GOLM2: variants seen among roughly 807,000 people sequenced by gnomAD.
GOLM2 encodes the protein golgi membrane protein 2, also known as protein GOLM2.
In GOLM2, 26 loss-of-function variants were observed where a neutral mutation model predicts 55.9. The ratio of observed to expected loss-of-function variants is 0.47; its 90% CI spans 0.34 to 0.65. The LOEUF is 0.65. GOLM2 is among the 30% of genes least tolerant of loss of function. The pLI is 0.01. For missense variants in GOLM2, 486 were observed against 531.8 expected (o/e 0.91, Z 0.85); for synonymous variants, 165 against 194.6 (o/e 0.85, Z 1.27).
intron 6 of GOLM2, among the ~76,000 whole-genome samples, chr15:44,374,430 C>T (rs913685282): frequency 1.3e-5 from 2 of 152,004 alleles, no homozygotes; most frequent in Non-Finnish European, 2.9e-5. Context: ...GGGAGGATCA[C>T]TTGAGCTCAA....
At chr15:44,302,201 G>A (rs972990762) in intron 1 of GOLM2, among the ~76,000 whole-genome samples, 4 of 149,956 alleles carry the variant, frequency 2.7e-5, no homozygotes, top group Admixed American at 6.7e-5. Context: ...CTGGAGTGCA[G>A]TGTCACGATC....
chr15:44,326,034 C>G (rs576478989), intron 2 of GOLM2, among the ~76,000 whole-genome samples: 3 of 151,962 alleles, frequency 2.0e-5, no homozygotes, highest in Non-Finnish European at 4.4e-5. Context: ...GAGGCTGAGG[C>G]GGGCAGATCA....
intron 9 of GOLM2, chr15:44,409,626 A>AG (rs2079622859): frequency 9.0e-6 from 1 of 111,428 alleles, no homozygotes; most frequent in Non-Finnish European, 1.8e-5. Context: ...AAAAAAAAAA[A>AG]TGCTGGGCGC....
chr15:44,308,462 T>C (rs541004247), intron 1 of GOLM2: 1 of 152,364 alleles, frequency 6.6e-6, no homozygotes, highest in East Asian at 1.9e-4. Context: ...TTCATTCATC[T>C]GTTGATGAAC....
chr15:44,343,754 G>A (rs1421400285), intron 6 of GOLM2, among the ~76,000 whole-genome samples: 4 of 151,518 alleles, frequency 2.6e-5, no homozygotes, highest in African/African-American at 9.7e-5. Context: ...GAGCCCAGGA[G>A]GCAGAGCTGC....
Position 44,378,032 on chromosome 15 carries a change from A to ATTATTTATTTAT in GOLM2, c.803-1639_803-1628dup, listed in dbSNP as rs534507298. Among the ~76,000 whole-genome samples, 169 of 148,822 alleles carry ATTATTTATTTAT rather than the reference A, an allele frequency of 1.1e-3. 1 individual carries two copies. Among genetic ancestry groups the ATTATTTATTTAT allele is most frequent in the East Asian group, 4.3e-3 (22 of 5,098 alleles). On this transcript the variant is annotated intron_variant, in intron 6 of 9. Coordinates refer to ENST00000299957, the MANE Select transcript of GOLM2 (RefSeq NM_138423.4). Reference sequence around the variant, plus strand: ...AGAAGTATATATATATATTTTTTAAATTATTTATTTATTTATTTATTTATT... The same window carrying ATTATTTATTTAT: ...AGAAGTATATATATATATTTTTTAAATTATTTATTTATTTATTTATTTATTTATTTATTTATT...
At chr15:44,361,075 G>A (rs1428293627) in intron 6 of GOLM2, among the ~76,000 whole-genome samples, 1 of 150,382 alleles carries the variant, frequency 6.6e-6, no homozygotes, top group Non-Finnish European at 1.5e-5. Context: ...GAAATTTATA[G>A]CACTAAATGC....
intron 6 of GOLM2, among the ~76,000 whole-genome samples, chr15:44,344,071 G>A (rs1427215526): frequency 6.6e-6 from 1 of 151,480 alleles, no homozygotes; most frequent in Non-Finnish European, 1.5e-5. Context: ...ACCAGCCTGA[G>A]CAACATGATG....
chr15:44,319,509 C>A (rs985392660), intron 1 of GOLM2, among the ~76,000 whole-genome samples: 19 of 152,172 alleles, frequency 1.2e-4, no homozygotes, highest in African/African-American at 4.3e-4. Context: ...CATGAGCCAC[C>A]ACGCCTGGCC....
rs144203071 is a variant in GOLM2, at chr15:44,332,050, TAGC to T, written c.551_553del (p.Ala184del). 93 of 1,598,394 alleles carry T rather than the reference TAGC, an allele frequency of 5.8e-5. No homozygotes were observed. In the East Asian group the frequency reaches 2.0e-3, roughly 35 times the overall value. Reference sequence around the variant, plus strand: ...CAGCATGAAGAAAATATTAAAAAGTTAGCAGACCAGTTTTTAGAGGAACAAAAG... The same window carrying T: ...CAGCATGAAGAAAATATTAAAAAGTTAGACCAGTTTTTAGAGGAACAAAAG... On this transcript the variant is annotated inframe_deletion, in exon 4 of 10. Transcript: ENST00000299957.
intron 6 of GOLM2, among the ~76,000 whole-genome samples, chr15:44,379,334 G>A (rs190493799): frequency 1.5e-3 from 225 of 152,106 alleles, no homozygotes; most frequent in Non-Finnish European, 2.1e-3. Flanking sequence ...AAACTTACCC[G>A]GGCGTGGTGG....
chr15:44,328,660 T>G, intron 2 of GOLM2, 25 bp from the exon 3 acceptor site: 1 of 1,550,442 alleles, frequency 6.4e-7, no homozygotes, highest in Non-Finnish European at 8.8e-7. Context: ...ACTTGATTCC[T>G]TTGGTTCTTA....
chr15:44,411,819 ACTG>A (rs756496740), intron 9 of GOLM2, among the ~76,000 whole-genome samples: 8 of 144,130 alleles, frequency 5.6e-5, no homozygotes, highest in Non-Finnish European at 7.5e-5. Flanking sequence ...ACAGAATGAG[ACTG>A]CATCTCAAAA....
Position 44,289,165 on chromosome 15 carries a change from G to A in GOLM2, c.136G>A (p.Val46Met). The change falls in exon 1 of 10, where the codon GTG (valine) becomes ATG (methionine). Residue 46 changes from valine (V) to methionine (M), a missense_variant. By Grantham distance (21) the Val-to-Met change is conservative (BLOSUM62 1). Coordinates refer to ENST00000299957, the MANE Select transcript of GOLM2 (RefSeq NM_138423.4). This position sits in a 1 kb window ranked among gnomAD's most constrained non-coding sequence, Gnocchi z 4.8. Reference protein sequence around the residue: ...SSRHVLLQEEVAELQGQVQRT... With the variant: ...SSRHVLLQEEMAELQGQVQRT... ...CCGCCACGTCCTGCTTCAGGAGGAG[G>A]TGGCCGAGCTGCAGGGCCAGGTCCA... 2.5e-6 allele frequency: 4 copies of A among 1,614,198 alleles called. No homozygotes were observed. The highest frequency in any genetic ancestry group is 3.4e-6 in the Non-Finnish European group (4 of 1,180,028).
chr15:44,359,867 G>T (rs980652850), intron 6 of GOLM2, among the ~76,000 whole-genome samples: 1 of 152,162 alleles, frequency 6.6e-6, no homozygotes. Flanking sequence ...GGAGAAACTC[G>T]ATAAGCCAGA....
intron 8 of GOLM2, among the ~76,000 whole-genome samples, chr15:44,393,795 G>T (rs1484870980): frequency 2.6e-5 from 4 of 152,106 alleles, no homozygotes. Context: ...AGGTTCAAAT[G>T]ATTCTCCTCC....
chr15:44,307,183 A>C (rs932201952), intron 1 of GOLM2: 8 of 154,672 alleles, frequency 5.2e-5, no homozygotes, highest in African/African-American at 1.7e-4. Flanking sequence ...GACTTGTCTC[A>C]TAAGCTGGAA....
At chr15:44,359,036 GCTA>G (rs958047108) in intron 6 of GOLM2, among the ~76,000 whole-genome samples, 1 of 151,928 alleles carries the variant, frequency 6.6e-6, no homozygotes, top group African/African-American at 2.4e-5. Flanking sequence ...GGGCGCCTCA[GCTA>G]CTAGGGAGGC....
intron 6 of GOLM2, among the ~76,000 whole-genome samples, chr15:44,367,211 CTTTT>C (rs757974081): frequency 7.7e-6 from 1 of 130,498 alleles, no homozygotes. Flanking sequence ...CTGTCTGGCC[CTTTT>C]TTTTTTTTTT....
Sources: gnomAD v4.1 joint callset for allele counts (sites outside exome capture counted in the v4.1 genomes callset) on GRCh38, gnomAD v4.1.1 for gene constraint, Gnocchi (gnomAD v3.1) non-coding constraint, MANE v1.5 for transcripts, NCBI Gene and HGNC (gene_info 2026-07-23, HGNC 2026-07-21) for gene names.